GJA8: variants seen among roughly 807,000 people sequenced by gnomAD.
GJA8 encodes the protein gap junction protein alpha 8, also known as gap junction alpha-8 protein.
Under a neutral mutation model 15.3 loss-of-function variants are expected in GJA8, and 13 were observed. That is an observed-to-expected ratio of 0.85 (90% CI 0.55 to 1.35). The LOEUF (loss-of-function observed/expected upper bound fraction) is 1.35. GJA8 is among the 40% of genes most tolerant of loss of function. The probability of loss-of-function intolerance (pLI) is 0.00; values close to 1 mark genes in which losing one functional copy is unlikely to be tolerated. For missense variants in GJA8, 607 were observed against 553.3 expected (o/e 1.10, Z -0.97); for synonymous variants, 304 against 238.7 (o/e 1.27, Z -2.52).
chr1:147,912,690 C>T (rs1381707934), downstream of GJA8, among the ~76,000 whole-genome samples: 1 of 152,094 alleles, frequency 6.6e-6, no homozygotes, highest in Non-Finnish European at 1.5e-5. Flanking sequence ...CCCTAGGGCA[C>T]ATGGACCTAC....
chr1:147,903,907 G>A lies in GJA8; in HGVS notation c.-12+1046G>A, dbSNP rs587715825. Among the ~76,000 whole-genome samples the A allele has an allele frequency of 2.7e-4, 40 of 149,288 alleles. No individual in the cohort carries two copies. The South Asian group carries it at 6.4e-3, about 24-fold the overall frequency. ...TATGAAATGATGATGAAAATAGACT[G>A]TAGTTGTAGTTAGTAATTTAATAAC... On this transcript the variant is annotated intron_variant, in intron 1 of 1. Transcript: ENST00000369235.
At chr1:147,909,641 C>G (rs1184111202), downstream of GJA8, among the ~76,000 whole-genome samples, 1 of 152,120 alleles carries the variant, frequency 6.6e-6, no homozygotes, top group Admixed American at 6.6e-5. Context: ...ATCTATCATC[C>G]CAGCATTTCT....
At chr1:147,909,622 T>C (rs756588658), downstream of GJA8, among the ~76,000 whole-genome samples, 1 of 152,312 alleles carries the variant, frequency 6.6e-6, no homozygotes, top group South Asian at 2.1e-4. Flanking sequence ...TCAAGCTCAC[T>C]AAGCCAGAAT....
At chr1:147,904,574 A>G (rs1651719933) in intron 1 of GJA8, among the ~76,000 whole-genome samples, 1 of 152,204 alleles carries the variant, frequency 6.6e-6, no homozygotes, top group African/African-American at 2.4e-5. Flanking sequence ...TTCACAAGCA[A>G]AATAAAACAG....
At position 147,903,700 on chromosome 1, in the gene GJA8, A is replaced by T. The variant is rs990389473; in HGVS notation, c.-12+839A>T. Reference sequence around the variant, plus strand: ...CAAGTTCACTGGTTCTCAGACATCCATCTGGGGATCTGTCAGTTCTAGCTC... The same window carrying T: ...CAAGTTCACTGGTTCTCAGACATCCTTCTGGGGATCTGTCAGTTCTAGCTC... On this transcript the variant is annotated intron_variant, in intron 1 of 1. Transcript: ENST00000369235. 4.9e-4 allele frequency among the ~76,000 whole-genome samples: 74 copies of T among 152,174 alleles called. 1 individual carries two copies. The highest frequency in any genetic ancestry group is 2.6e-4 in the Admixed American group (4 of 15,270).
At chr1:147,902,908 G>C (rs999596335) in intron 1 of GJA8, among the ~76,000 whole-genome samples, 47 bp downstream of exon 1, 2 of 152,158 alleles carry the variant, frequency 1.3e-5, no homozygotes, top group Admixed American at 1.3e-4. Flanking sequence ...CCCCCCAATT[G>C]TTCTTTCTCA....
At chr1:147,909,806 CCAGA>C (rs1652030487), downstream of GJA8, among the ~76,000 whole-genome samples, 1 of 152,186 alleles carries the variant, frequency 6.6e-6, no homozygotes, top group Non-Finnish European at 1.5e-5. Flanking sequence ...CTGCTCACTT[CCAGA>C]CAATGAGTAC....
In GJA8 at chr1:147,908,327, G is replaced by A. The variant is rs782036781; in HGVS notation, c.372G>A (p.Pro124=). 3.1e-6 allele frequency: 5 copies of A among 1,614,070 alleles called. No homozygotes were observed. The highest frequency in any genetic ancestry group is 1.6e-4 in the Middle Eastern group (1 of 6,084). Residue 124 remains proline (P), a synonymous_variant, in exon 2 of 2, where the codon CCG becomes CCA. Transcript: ENST00000369235. ...LGQQAGTNGG[P]DQGSVKKSSG... is the part of the protein sequence containing the mutation. ...AGCAGGCGGGGACTAACGGCGGCCC[G>A]GACCAGGGCAGCGTCAAGAAGAGCA...
intron 1 of GJA8, among the ~76,000 whole-genome samples, chr1:147,907,265 A>G (rs1207125061): frequency 6.6e-6 from 1 of 152,220 alleles, no homozygotes; most frequent in South Asian, 2.1e-4. Context: ...GCTGTATGTC[A>G]GGCATTGAGT....
chr1:147,908,087 G>A lies in GJA8; in HGVS notation c.132G>A (p.Val44=). The change falls in exon 2 of 2, where the codon GTG becomes GTA. Residue 44 remains valine (V), a synonymous_variant. Coordinates refer to ENST00000369235, the MANE Select transcript of GJA8 (RefSeq NM_005267.5). ...TCCTTGGCACGGCCGCAGAGTTCGT[G>A]TGGGGGGATGAGCAATCCGACTTCG... ...ILILGTAAEF[V]WGDEQSDFVC... The A allele has an allele frequency of 6.2e-7, 1 of 1,614,214 alleles. No individual in the cohort carries two copies. The highest frequency in any genetic ancestry group is 1.6e-4 in the Middle Eastern group (1 of 6,062).
At position 147,908,206 on chromosome 1, in the gene GJA8, T is replaced by G; in HGVS notation, c.251T>G (p.Phe84Cys). 6.2e-7 allele frequency: 1 copy of G among 1,614,218 alleles called. No homozygotes were observed. Among genetic ancestry groups the G allele is most frequent in the Non-Finnish European group, 8.5e-7 (1 of 1,180,030 alleles). Reference sequence around the variant, plus strand: ...CGCCTCTGGGTGCTGCAGATCATCTTCGTCTCCACCCCGTCCCTGATGTAC... The same window carrying G: ...CGCCTCTGGGTGCTGCAGATCATCTGCGTCTCCACCCCGTCCCTGATGTAC... Reference protein sequence around the residue: ...HIRLWVLQIIFVSTPSLMYVG... With the variant: ...HIRLWVLQIICVSTPSLMYVG... The change falls in exon 2 of 2, where the codon TTC (phenylalanine) becomes TGC (cysteine). Residue 84 changes from phenylalanine to cysteine, a missense_variant. By Grantham distance (205) the Phe-to-Cys change is radical. Transcript: ENST00000369235.
At chr1:147,904,877 T>C (rs1553242069) in intron 1 of GJA8, among the ~76,000 whole-genome samples, 1 of 152,170 alleles carries the variant, frequency 6.6e-6, no homozygotes, top group East Asian at 1.9e-4. Flanking sequence ...AATCTTAGCA[T>C]GGCGGCTTAG....
chr1:147,903,275 G>A (rs139166604), intron 1 of GJA8, among the ~76,000 whole-genome samples: 142 of 152,292 alleles, frequency 9.3e-4, no homozygotes, highest in African/African-American at 3.2e-3. Flanking sequence ...TGGGGGTAGC[G>A]GAGGCTTCGT....
Position 147,908,281 on chromosome 1 carries a change from G to T in GJA8, c.326G>T (p.Arg109Leu). 1 of 1,614,168 alleles carries T rather than the reference G, an allele frequency of 6.2e-7. No individual in the cohort carries two copies. The highest frequency in any genetic ancestry group is 1.1e-5 in the South Asian group (1 of 91,078). Residue 109 changes from arginine (R) to leucine (L), a missense_variant, in exon 2 of 2, where the codon CGC (arginine) becomes CTC (leucine). Transcript: ENST00000369235. ...CGCATGGAGGAGAAGCGCAAAAGCC[G>T]CGAGGCGGAGGAGCTGGGCCAGCAG... The part of the protein sequence containing the change: ...YVRMEEKRKS[R>L]EAEELGQQAG...
chr1:147,905,622 A>G (rs1035677587), intron 1 of GJA8, among the ~76,000 whole-genome samples: 19 of 152,240 alleles, frequency 1.2e-4, no homozygotes, highest in Non-Finnish European at 1.5e-5. Flanking sequence ...TGGCTCTGCC[A>G]CCAGTGAGCT....
intron 1 of GJA8, among the ~76,000 whole-genome samples, chr1:147,904,005 C>G (rs587657146): frequency 6.7e-5 from 10 of 148,184 alleles, no homozygotes; most frequent in African/African-American, 2.2e-4. Flanking sequence ...GATCTCAGCT[C>G]ACTGCAGCCT....
chr1:147,903,024 C>T (rs1651664994), intron 1 of GJA8, among the ~76,000 whole-genome samples, 163 bp downstream of exon 1: 2 of 152,086 alleles, frequency 1.3e-5, no homozygotes, highest in Admixed American at 6.5e-5. Flanking sequence ...CTCTGAAAAC[C>T]CTCTTCAAGT....
intron 1 of GJA8, among the ~76,000 whole-genome samples, chr1:147,905,950 C>A (rs1434717397): frequency 6.6e-6 from 1 of 152,184 alleles, no homozygotes; most frequent in African/African-American, 2.4e-5. Flanking sequence ...GCTTATGAGG[C>A]CTCAAGAGGA....
rs782184691 is a variant in GJA8, at chr1:147,908,085, G to T, written c.130G>T (p.Val44Leu). ...CATCCTTGGCACGGCCGCAGAGTTC[G>T]TGTGGGGGGATGAGCAATCCGACTT... The part of the protein sequence containing the change: ...ILILGTAAEF[V>L]WGDEQSDFVC... The change falls in exon 2 of 2, where the codon GTG becomes TTG. Residue 44 changes from valine (V) to leucine (L), a missense_variant. Val to Leu is a conservative substitution (Grantham distance 32). Transcript: ENST00000369235. The T allele has an allele frequency of 1.9e-6, 3 of 1,614,172 alleles. No individual in the cohort carries two copies. Among genetic ancestry groups the T allele is most frequent in the Non-Finnish European group, 2.5e-6 (3 of 1,180,028 alleles).
Sources: gnomAD v4.1 joint callset for allele counts (sites outside exome capture counted in the v4.1 genomes callset) on GRCh38, gnomAD v4.1.1 for gene constraint, MANE v1.5 for transcripts, NCBI Gene and HGNC (gene_info 2026-07-23, HGNC 2026-07-21) for gene names.